Variants in GPC5 observed in about 807,000 individuals in gnomAD.
The protein encoded by GPC5 is glypican-5.
Under a neutral mutation model 53.9 loss-of-function variants are expected in GPC5, and 47 were observed. The observed-to-expected ratio is 0.87, with a 90% CI of 0.69 to 1.11. The LOEUF is 1.11. GPC5 is among the 50% of genes most tolerant of loss of function. The pLI, the probability that GPC5 is intolerant of heterozygous loss-of-function variation, is 0.00. For synonymous variants in GPC5, 286 were observed against 263.3 expected (o/e 1.09, Z -0.84); for missense variants, 748 against 713.1 (o/e 1.05, Z -0.56).
intron 7 of GPC5, among the ~76,000 whole-genome samples, chr13:92,264,420 T>G (rs1396819729): frequency 2.0e-5 from 3 of 152,168 alleles, no homozygotes; most frequent in Non-Finnish European, 4.4e-5. Flanking sequence ...TAAGGTGTTT[T>G]CCCAAACTGT....
At chr13:91,876,391 C>T (rs1214207431) in intron 5 of GPC5, among the ~76,000 whole-genome samples, 1 of 152,050 alleles carries the variant, frequency 6.6e-6, no homozygotes, top group Non-Finnish European at 1.5e-5. Context: ...TGGCTTTGCC[C>T]AAAATGCTGG....
intron 7 of GPC5, among the ~76,000 whole-genome samples, chr13:92,385,417 T>C (rs866979612): frequency 4.8e-5 from 1 of 21,016 alleles, no homozygotes; most frequent in South Asian, 2.2e-3. Context: ...TACACATATA[T>C]ATACATATAT....
intron 5 of GPC5, among the ~76,000 whole-genome samples, chr13:91,847,659 A>G (rs1297057130): frequency 6.6e-6 from 1 of 152,206 alleles, no homozygotes; most frequent in East Asian, 1.9e-4. Flanking sequence ...TAAAATATGT[A>G]TTTAGTAAAT....
At chr13:91,848,879 C>G (rs1416395533) in intron 5 of GPC5, among the ~76,000 whole-genome samples, 1 of 152,122 alleles carries the variant, frequency 6.6e-6, no homozygotes, top group African/African-American at 2.4e-5. Context: ...TTTAAAAAAT[C>G]AGATATTCCT....
At chr13:91,766,264 C>A (rs1258216455) in intron 5 of GPC5, among the ~76,000 whole-genome samples, 1 of 152,224 alleles carries the variant, frequency 6.6e-6, no homozygotes, top group Non-Finnish European at 1.5e-5. Flanking sequence ...GTGAAATGCT[C>A]TGAGTTGAGT....
intron 7 of GPC5, among the ~76,000 whole-genome samples, chr13:92,788,575 T>C (rs1002537309): frequency 3.9e-5 from 6 of 152,196 alleles, no homozygotes; most frequent in Non-Finnish European, 8.8e-5. Context: ...ATTTGGGAAA[T>C]AATCTTTCAA....
chr13:92,593,350 T>C (rs573846289), intron 7 of GPC5, among the ~76,000 whole-genome samples: 2 of 151,176 alleles, frequency 1.3e-5, no homozygotes, highest in South Asian at 4.2e-4. Flanking sequence ...GATGCGTATG[T>C]AAATTTTGAG....
At chr13:91,416,006 A>G (rs1312569779) in intron 1 of GPC5, among the ~76,000 whole-genome samples, 8 of 152,192 alleles carry the variant, frequency 5.3e-5, no homozygotes, top group Non-Finnish European at 1.0e-4. Context: ...TAACTATCAC[A>G]GTGTCTTGTA....
intron 6 of GPC5, among the ~76,000 whole-genome samples, chr13:91,948,838 G>A (rs1290444202): frequency 1.3e-5 from 2 of 150,238 alleles, no homozygotes; most frequent in Admixed American, 1.3e-4. Flanking sequence ...GCCATGCAAT[G>A]GCACAAATGC....
At chr13:92,518,326 C>T (rs1880877518) in intron 7 of GPC5, among the ~76,000 whole-genome samples, 1 of 152,110 alleles carries the variant, frequency 6.6e-6, no homozygotes, top group Non-Finnish European at 1.5e-5. Flanking sequence ...ACATCATTGT[C>T]AGATTCACCA....
chr13:92,726,122 G>A (rs544798478), intron 7 of GPC5, among the ~76,000 whole-genome samples: 1 of 151,552 alleles, frequency 6.6e-6, no homozygotes, highest in South Asian at 2.1e-4. Context: ...CTCCAGAAAA[G>A]AGATGATTTG....
intron 7 of GPC5, among the ~76,000 whole-genome samples, chr13:92,422,830 C>A (rs1033510453): frequency 6.6e-6 from 1 of 152,176 alleles, no homozygotes; most frequent in Non-Finnish European, 1.5e-5. Flanking sequence ...AAAAAATTTG[C>A]CACATGGCAA....
intron 6 of GPC5, among the ~76,000 whole-genome samples, chr13:91,932,621 C>G (rs1464621437): frequency 2.0e-5 from 3 of 151,958 alleles, no homozygotes; most frequent in African/African-American, 4.8e-5. Flanking sequence ...ATTTTAAAGT[C>G]TGTTCTGGGT....
At position 91,668,069 on chromosome 13, in the gene GPC5, A is replaced by G. The variant is rs1220983959; in HGVS notation, c.326-25118A>G. Among the ~76,000 whole-genome samples, 4 of 152,322 alleles carry G rather than the reference A, an allele frequency of 2.6e-5. No individual in the cohort carries two copies. In the East Asian group the frequency reaches 7.7e-4, roughly 29 times the overall value. Reference sequence around the variant, plus strand: ...CACATATTTCTGTTGTCAAGAATAGAAATATCTGGTATTTCAATATTAGAT... The same window carrying G: ...CACATATTTCTGTTGTCAAGAATAGGAATATCTGGTATTTCAATATTAGAT... On this transcript the variant is annotated intron_variant, in intron 2 of 7. Coordinates refer to ENST00000377067, the MANE Select transcript of GPC5 (RefSeq NM_004466.6).
At chr13:91,785,730 CTTT>C (rs2138732642) in intron 5 of GPC5, among the ~76,000 whole-genome samples, 1 of 152,318 alleles carries the variant, frequency 6.6e-6, no homozygotes, top group South Asian at 2.1e-4. Context: ...TTAATCTTGA[CTTT>C]TCACCTTATC....
In GPC5 at chr13:92,670,332, G is replaced by A. The variant is rs564695547; in HGVS notation, c.1562-195950G>A. On this transcript the variant is annotated intron_variant, in intron 7 of 7. Transcript: ENST00000377067. ...ATCCAAAGGCTAGGGAAGTCCCACA[G>A]AAACACAGGAGATGATTCAAAGAAC... 2.3e-4 allele frequency among the ~76,000 whole-genome samples: 35 copies of A among 152,266 alleles called. 1 individual carries two copies. In the South Asian group the frequency reaches 7.0e-3, roughly 31 times the overall value.
intron 2 of GPC5, among the ~76,000 whole-genome samples, chr13:91,463,168 C>G (rs548936363): frequency 6.6e-6 from 1 of 152,188 alleles, no homozygotes; most frequent in South Asian, 2.1e-4. Flanking sequence ...CTCAAATCCT[C>G]CCGTATACTT....
At chr13:91,584,365 T>C (rs2032481296) in intron 2 of GPC5, among the ~76,000 whole-genome samples, 1 of 152,092 alleles carries the variant, frequency 6.6e-6, no homozygotes, top group African/African-American at 2.4e-5. Flanking sequence ...TTTTGATAAA[T>C]TTGCTGGTTG....
chr13:92,662,562 G>T (rs9301829), intron 7 of GPC5, among the ~76,000 whole-genome samples: 2,318 of 152,068 alleles, frequency 0.015, 71 homozygotes, highest in African/African-American at 0.053. Flanking sequence ...CATTTGTCCC[G>T]CCAGCCAGCC....
Sources: gnomAD v4.1 joint callset for allele counts (sites outside exome capture counted in the v4.1 genomes callset) on GRCh38, gnomAD v4.1.1 for gene constraint, MANE v1.5 for transcripts, NCBI Gene and HGNC (gene_info 2026-07-23, HGNC 2026-07-21) for gene names.